FMN2: variants seen among roughly 807,000 people sequenced by gnomAD.
The protein encoded by FMN2 is formin 2, also known as formin-2.
A neutral mutation model predicts 142.3 loss-of-function variants in FMN2; 51 were observed. That is an observed-to-expected ratio of 0.36 (90% CI 0.29 to 0.45). FMN2 has a LOEUF of 0.45. Ranked by LOEUF, FMN2 falls within the 20% of genes least tolerant of loss-of-function variation. FMN2 has a pLI of 1.00. For missense variants in FMN2, 1,936 were observed against 2,122.8 expected (o/e 0.91, Z 1.73); for synonymous variants, 882 against 869.8 (o/e 1.01, Z -0.25).
Position 240,160,876 on chromosome 1 carries a change from T to C in FMN2, c.1783-17045T>C, listed in dbSNP as rs372147090. Among the ~76,000 whole-genome samples, 196 of 152,272 alleles carry C rather than the reference T, an allele frequency of 1.3e-3. 4 individuals carry two copies. In the South Asian group the frequency reaches 0.031, roughly 24 times the overall value. The stretch of plus-strand genomic sequence containing the variant: ...CAGATAAATAATTAGAAATAAAATT[T>C]ACATAATTACTGAACACAAAATCAA... On this transcript the variant is annotated intron_variant, in intron 2 of 17. Transcript: ENST00000319653.
At position 240,429,938 on chromosome 1, in the gene FMN2, T is replaced by C. The variant is rs763179473; in HGVS notation, c.4911-8123T>C. 1.4e-4 allele frequency among the ~76,000 whole-genome samples: 21 copies of C among 150,678 alleles called. 1 individual carries two copies. Among genetic ancestry groups the C allele is most frequent in the Non-Finnish European group, 2.1e-4 (14 of 67,872 alleles). On this transcript the variant is annotated intron_variant, in intron 15 of 17. Coordinates refer to ENST00000319653, the MANE Select transcript of FMN2 (RefSeq NM_020066.5). ...TCTCGCTCTGCCGCCCAGGCTGGAG[T>C]GCAGTGGTGCGATCTCAGCTCACTG...
Position 240,200,486 on chromosome 1 carries a change from A to C in FMN2, c.1987-6313A>C, listed in dbSNP as rs147660888. The stretch of plus-strand genomic sequence containing the variant: ...CTTGACTGATAGCCCTGGATAAGGA[A>C]GGCCAGATAAGATTCTTTGAAGACT... On this transcript the variant is annotated intron_variant, in intron 4 of 17. Transcript: ENST00000319653. 1.8e-3 allele frequency among the ~76,000 whole-genome samples: 277 copies of C among 152,252 alleles called. 4 individuals are homozygous for C. The East Asian group carries it at 0.047, about 26-fold the overall frequency.
At chr1:240,389,222 G>C (rs936903302) in intron 14 of FMN2, among the ~76,000 whole-genome samples, 7 of 152,160 alleles carry the variant, frequency 4.6e-5, no homozygotes, top group Non-Finnish European at 1.0e-4. Flanking sequence ...GCTACTAAAA[G>C]TTACACTGGC....
chr1:240,220,868 C>T (rs1031904458), intron 6 of FMN2, among the ~76,000 whole-genome samples: 1 of 151,228 alleles, frequency 6.6e-6, no homozygotes, highest in South Asian at 2.2e-4. Context: ...CCTCCTCCAG[C>T]CCCCCCACCC....
chr1:240,448,409 A>G (rs1156671415), intron 16 of FMN2, among the ~76,000 whole-genome samples: 1 of 152,182 alleles, frequency 6.6e-6, no homozygotes, highest in Admixed American at 6.5e-5. Context: ...ACAATTATTC[A>G]TCTATTGTGA....
intron 15 of FMN2, among the ~76,000 whole-genome samples, chr1:240,437,268 A>G: frequency 6.7e-6 from 1 of 149,120 alleles, no homozygotes; most frequent in South Asian, 2.1e-4. Context: ...AGTCTCTGAT[A>G]GGAGACTTTG....
intron 8 of FMN2, among the ~76,000 whole-genome samples, chr1:240,306,360 G>A (rs767765929): frequency 6.6e-5 from 10 of 152,230 alleles, no homozygotes; most frequent in African/African-American, 1.4e-4. Context: ...TTGGGCTTCC[G>A]TTAATCCCAT....
chr1:240,411,519 A>C (rs1674389238), intron 15 of FMN2, among the ~76,000 whole-genome samples: 2 of 151,578 alleles, frequency 1.3e-5, no homozygotes, highest in South Asian at 4.2e-4. Flanking sequence ...TGTAGTGAGC[A>C]GAGATGGTGC....
intron 4 of FMN2, among the ~76,000 whole-genome samples, chr1:240,202,270 A>C (rs529599287): frequency 2.0e-5 from 3 of 152,186 alleles, no homozygotes; most frequent in African/African-American, 4.8e-5. Flanking sequence ...ACTGGGTATC[A>C]TGTGTAATGA....
At chr1:240,268,261 A>AT (rs1358559418) in intron 7 of FMN2, among the ~76,000 whole-genome samples, 3 of 151,958 alleles carry the variant, frequency 2.0e-5, no homozygotes, top group Non-Finnish European at 4.4e-5. Context: ...TTTGGCTTTT[A>AT]TTTTTCCGTC....
intron 8 of FMN2, among the ~76,000 whole-genome samples, chr1:240,297,471 G>A (rs113256758): frequency 0.011 from 1,702 of 151,416 alleles, 18 homozygotes; most frequent in Middle Eastern, 0.031. Context: ...GCCCGGGCAC[G>A]TGTAATCCCA....
intron 14 of FMN2, among the ~76,000 whole-genome samples, chr1:240,388,227 C>CAAAAAA (rs761610582): frequency 2.1e-3 from 13 of 6,052 alleles, no homozygotes; most frequent in Admixed American, 6.5e-3. Context: ...GTGCTCAAAG[C>CAAAAAA]AAAAAAAAAA....
chr1:240,220,755 T>C (rs1236992724), intron 6 of FMN2, among the ~76,000 whole-genome samples: 1 of 152,148 alleles, frequency 6.6e-6, no homozygotes, highest in Non-Finnish European at 1.5e-5. Flanking sequence ...CTGGGATACA[T>C]GTGCAGAACA....
At chr1:240,237,793 G>A (rs1262424195) in intron 6 of FMN2, among the ~76,000 whole-genome samples, 2 of 152,192 alleles carry the variant, frequency 1.3e-5, no homozygotes, top group Non-Finnish European at 2.9e-5. Context: ...GGCTTTGAGA[G>A]AGATTGGAGT....
chr1:240,239,209 T>C (rs1667809581), intron 6 of FMN2, among the ~76,000 whole-genome samples: 1 of 152,146 alleles, frequency 6.6e-6, no homozygotes, highest in African/African-American at 2.4e-5. Flanking sequence ...TCTGGGACAA[T>C]AGAGTTGAAG....
chr1:240,223,413 G>C (rs914008138), intron 6 of FMN2, among the ~76,000 whole-genome samples: 1 of 152,124 alleles, frequency 6.6e-6, no homozygotes, highest in Non-Finnish European at 1.5e-5. Context: ...TTTTCGCATC[G>C]ATGTTCATTA....
intron 13 of FMN2, among the ~76,000 whole-genome samples, chr1:240,335,335 G>T (rs562844428): frequency 6.7e-4 from 102 of 152,218 alleles, no homozygotes; most frequent in African/African-American, 2.4e-3. Flanking sequence ...AGACTGCCTT[G>T]ACTTGCTCTG....
intron 7 of FMN2, among the ~76,000 whole-genome samples, chr1:240,269,250 T>G (rs10082111): frequency 0.37 from 56,366 of 151,794 alleles, 10,987 homozygotes; most frequent in East Asian, 0.55. Context: ...ATTTTCATTT[T>G]TGTGTATATA....
intron 2 of FMN2, among the ~76,000 whole-genome samples, chr1:240,159,793 C>A (rs1373058892): frequency 6.6e-6 from 1 of 151,146 alleles, no homozygotes; most frequent in East Asian, 1.9e-4. Context: ...TTAAAAAGCC[C>A]AAGTCATGGT....
Sources: allele counts gnomAD v4.1 joint callset (sites outside exome capture counted in the v4.1 genomes callset), GRCh38; gene constraint gnomAD v4.1.1; transcripts MANE v1.5; gene names NCBI Gene and HGNC (gene_info 2026-07-23, HGNC 2026-07-21).